Variants in CLEC4G observed in about 807,000 individuals in gnomAD.
The protein encoded by CLEC4G is C-type lectin superfamily 4, member G.
In CLEC4G, 34 loss-of-function variants were observed where a neutral mutation model predicts 37.0. The ratio of observed to expected loss-of-function variants is 0.92; its 90% CI spans 0.70 to 1.22. CLEC4G has a LOEUF of 1.22. CLEC4G is among the 50% of genes most tolerant of loss of function. CLEC4G has a pLI of 0.00. For synonymous variants in CLEC4G, 167 were observed against 165.6 expected (o/e 1.01, Z -0.06); for missense variants, 390 against 392.9 (o/e 0.99, Z 0.06).
At position 7,730,462 on chromosome 19, in the gene CLEC4G, G is replaced by A. The variant is rs2033412229; in HGVS notation, c.389-22C>T. 6.3e-7 allele frequency: 1 copy of A among 1,598,086 alleles called. No homozygotes were observed. Among genetic ancestry groups the A allele is most frequent in the South Asian group, 1.1e-5 (1 of 90,784 alleles). On this transcript the variant is annotated intron_variant, in intron 5 of 8. Transcript: ENST00000328853. This position sits in a 1 kb window ranked among gnomAD's most constrained non-coding sequence, Gnocchi z 7.3. The stretch of plus-strand genomic sequence containing the variant: ...GTCACTGCGGGGTCAAGGGAGCGGG[G>A]ATTATGGCTGGGGTCAGGGCCAGGA...
At position 7,731,011 on chromosome 19, in the gene CLEC4G, A is replaced by G. The variant is rs748360926; in HGVS notation, c.283+15T>C. Reference sequence around the variant, plus strand: ...CCCCATCCCTGCGCCCACAGCCTCGACCGCGCCCCCTCACAGCAGCTGTGG... The same window carrying G: ...CCCCATCCCTGCGCCCACAGCCTCGGCCGCGCCCCCTCACAGCAGCTGTGG... On this transcript the variant is annotated intron_variant, in intron 4 of 8. Coordinates refer to ENST00000328853, the MANE Select transcript of CLEC4G (RefSeq NM_198492.4). 1.8e-5 allele frequency: 28 copies of G among 1,589,698 alleles called. No homozygotes were observed. The highest frequency in any genetic ancestry group is 2.2e-5 in the Non-Finnish European group (26 of 1,174,420).
intron 2 of CLEC4G, 65 bp downstream of exon 2, chr19:7,731,596 T>G (rs757371213): frequency 6.8e-5 from 107 of 1,581,560 alleles, no homozygotes; most frequent in Non-Finnish European, 9.1e-5. Flanking sequence ...TGGTGCGCCA[T>G]GCAGTGGGGG....
chr19:7,729,427 T>C lies in CLEC4G; in HGVS notation c.821A>G (p.Asn274Ser), dbSNP rs764447524. The change falls in exon 9 of 9, where the codon AAC becomes AGC. Residue 274 changes from asparagine (N) to serine (S), a missense_variant. Physicochemically the swap from Asn to Ser is conservative, Grantham distance 46 (BLOSUM62 1). Coordinates refer to ENST00000328853, the MANE Select transcript of CLEC4G (RefSeq NM_198492.4). ...CTTCTCGCTGTCACACGGTGCGTCG[T>C]TCCACAGCCCCGTGTGCAGCATCAT... Reference protein sequence around the residue: ...CVMMLHTGLWNDAPCDSEKDG... With the variant: ...CVMMLHTGLWSDAPCDSEKDG... 1.2e-5 allele frequency: 19 copies of C among 1,602,884 alleles called. No homozygotes were observed. The highest frequency in any genetic ancestry group is 1.5e-5 in the Non-Finnish European group (18 of 1,169,934).
At chr19:7,731,980 T>C (rs545516133) in intron 1 of CLEC4G, 68 bp downstream of exon 1, 20 of 1,472,582 alleles carry the variant, frequency 1.4e-5, no homozygotes, top group Admixed American at 3.4e-5. Context: ...CTGTCTCGAC[T>C]CTTCCCTCCC....
At position 7,729,475 on chromosome 19, in the gene CLEC4G, G is replaced by A. The variant is rs1200260335; in HGVS notation, c.773C>T (p.Ala258Val). The A allele has an allele frequency of 6.2e-7, 1 of 1,605,550 alleles. No individual in the cohort carries two copies. Among genetic ancestry groups the A allele is most frequent in the African/African-American group, 1.3e-5 (1 of 74,736 alleles). ...CATGACACAGTTCTCGCGCCCCCAA[G>A]CGTCATTGGGCTCTCCCTGGTTCCA... is the stretch of plus-strand genomic sequence containing the variant. ...SHWNQGEPND[A>V]WGRENCVMML... The change falls in exon 9 of 9, where the codon GCT (alanine) becomes GTT (valine). Residue 258 changes from alanine to valine, a missense_variant. Coordinates refer to ENST00000328853, the MANE Select transcript of CLEC4G (RefSeq NM_198492.4).
intron 8 of CLEC4G, 135 bp downstream of exon 8, chr19:7,729,686 C>T (rs2033397033): frequency 2.1e-6 from 3 of 1,451,138 alleles, no homozygotes; most frequent in East Asian, 4.6e-5. Context: ...AACCTGAGGA[C>T]AGTTCCTGGG....
Position 7,730,060 on chromosome 19 carries a change from C to T in CLEC4G, c.586G>A (p.Ala196Thr). The T allele has an allele frequency of 3.7e-6, 6 of 1,605,248 alleles. No homozygotes were observed. Among genetic ancestry groups the T allele is most frequent in the Non-Finnish European group, 5.1e-6 (6 of 1,177,350 alleles). ...CCAACGATCACCAGGTGCGCGCTGGCATCTGCGCAGTGATCCTGCGCCGCC... is the reference window on the plus strand; with the variant it reads ...CCAACGATCACCAGGTGCGCGCTGGTATCTGCGCAGTGATCCTGCGCCGCC... ...WAAAQDHCAD[A>T]SAHLVIVGGL... The change falls in exon 7 of 9, where the codon GCC becomes ACC. Residue 196 changes from alanine (A) to threonine (T), a missense_variant. Physicochemically the swap from Ala to Thr is moderately conservative, Grantham distance 58. Transcript: ENST00000328853. This position sits in a 1 kb window ranked among gnomAD's most constrained non-coding sequence, Gnocchi z 7.3.
At position 7,731,759 on chromosome 19, in the gene CLEC4G, C is replaced by A. The variant is rs755312292; in HGVS notation, c.68G>T (p.Arg23Leu). 3.7e-6 allele frequency: 6 copies of A among 1,613,554 alleles called. No individual in the cohort carries two copies. The East Asian group carries it at 1.1e-4, about 30-fold the overall frequency. ...SEEVPGGPWG[R>L]WVHWSRRPLF... ...GGGTCTCCTGCTCCAGTGCACCCAGCGTCCCCAGGGCCCTGGCATAACAAG... is the reference window on the plus strand; with the variant it reads ...GGGTCTCCTGCTCCAGTGCACCCAGAGTCCCCAGGGCCCTGGCATAACAAG... The change falls in exon 2 of 9, where the codon CGC becomes CTC. Residue 23 changes from arginine (R) to leucine (L), a missense_variant. Coordinates refer to ENST00000328853, the MANE Select transcript of CLEC4G (RefSeq NM_198492.4).
chr19:7,729,678 C>T, intron 8 of CLEC4G, 143 bp downstream of exon 8: 1 of 1,430,450 alleles, frequency 7.0e-7, no homozygotes, highest in East Asian at 2.3e-5. Flanking sequence ...CAGAATTTAA[C>T]CTGAGGACAG....
intron 2 of CLEC4G, 100 bp from the exon 3 acceptor site, chr19:7,731,419 G>A: frequency 1.3e-6 from 2 of 1,506,798 alleles, no homozygotes; most frequent in African/African-American, 1.4e-5. Flanking sequence ...GGAGCGGGCG[G>A]GCAGGCATAC....
rs2146301518 is a variant in CLEC4G at position 7,731,682 on chromosome 19, G to A, written c.145C>T (p.Leu49=). The A allele has an allele frequency of 6.2e-7, 1 of 1,614,098 alleles. No homozygotes were observed. Residue 49 remains leucine (L), a synonymous_variant, in exon 2 of 9, where the codon CTG becomes TTG. Coordinates refer to ENST00000328853, the MANE Select transcript of CLEC4G (RefSeq NM_198492.4). The part of the protein sequence containing the change: ...LVTTVLWAVI[L]SILLSKASTE... ...TCACCCTTGGACAATAGGATACTCA[G>A]AATCACAGCCCAAAGGACTGTGGTG...
intron 1 of CLEC4G, 109 bp downstream of exon 1, chr19:7,731,939 G>A: frequency 1.4e-6 from 2 of 1,472,420 alleles, no homozygotes; most frequent in Non-Finnish European, 1.9e-6. Flanking sequence ...TCTATGGCCT[G>A]TGGTGTCTCT....
At chr19:7,729,649 T>C in intron 8 of CLEC4G, 145 bp from the exon 9 acceptor site, 1 of 1,234,598 alleles carries the variant, frequency 8.1e-7, no homozygotes, top group Non-Finnish European at 1.1e-6. Context: ...ATACACCTGG[T>C]ATATAACTTT....
Position 7,730,796 on chromosome 19 carries a change from A to C in CLEC4G, c.347T>G (p.Leu116Arg). 1 of 1,532,570 alleles carries C rather than the reference A, an allele frequency of 6.5e-7. No individual in the cohort carries two copies. Among genetic ancestry groups the C allele is most frequent in the Non-Finnish European group, 8.7e-7 (1 of 1,145,902 alleles). The allele number at this position is 1,532,570 out of a possible 1,614,324, so 94.9% of individuals were successfully genotyped here. A position where few individuals can be genotyped will look rare whatever the true frequency, so the allele number is the denominator to read the frequency against. Residue 116 changes from leucine to arginine, a missense_variant, in exon 5 of 9, where the codon CTG becomes CGG. Leu to Arg is a moderately radical substitution (Grantham distance 102, BLOSUM62 -2). Coordinates refer to ENST00000328853, the MANE Select transcript of CLEC4G (RefSeq NM_198492.4). The surrounding 1 kb of genome is among the most constrained non-coding windows in gnomAD (Gnocchi z 7.3). ...CCGCAGGGCGCTCTCCTGCTCCATC[A>C]GCTTCGCCTGCGCCTCCCCAAGCTC... Reference protein sequence around the residue: ...RAELGEAQAKLMEQESALREL... With the variant: ...RAELGEAQAKRMEQESALREL...
rs1175894695 is a variant in CLEC4G, at chr19:7,730,655, G to A, written c.388+100C>T. 10 of 1,468,278 alleles carry A rather than the reference G, an allele frequency of 6.8e-6. No individual in the cohort carries two copies. Among genetic ancestry groups the A allele is most frequent in the African/African-American group, 2.8e-5 (2 of 71,258 alleles). 91.0% of individuals were successfully genotyped at this position (1,468,278 alleles called of 1,614,324 possible). Reference sequence around the variant, plus strand: ...GGTCAGAGTGCAGCGTCAGGGTCAGGACGGGGTGCATGATCGGGGTCGGGG... The same window carrying A: ...GGTCAGAGTGCAGCGTCAGGGTCAGAACGGGGTGCATGATCGGGGTCGGGG... On this transcript the variant is annotated intron_variant, in intron 5 of 8. Transcript: ENST00000328853. The surrounding 1 kb of genome is among the most constrained non-coding windows in gnomAD (Gnocchi z 7.3).
chr19:7,730,868 C>T lies in CLEC4G; in HGVS notation c.284-9G>A, dbSNP rs763073462. ...CGCCTGCGTCCCCGAGCCTGGGAGC[C>T]GCAGGGTGAGAGGGGCGAGGGCGGC... is the stretch of plus-strand genomic sequence containing the variant. On this transcript the variant is annotated splice_polypyrimidine_tract_variant and intron_variant, in intron 4 of 8. Coordinates refer to ENST00000328853, the MANE Select transcript of CLEC4G (RefSeq NM_198492.4). This position sits in a 1 kb window ranked among gnomAD's most constrained non-coding sequence, Gnocchi z 7.3. 13 of 1,529,260 alleles carry T rather than the reference C, an allele frequency of 8.5e-6. No individual in the cohort carries two copies. The highest frequency in any genetic ancestry group is 2.0e-5 in the Admixed American group (1 of 50,696). 94.7% of individuals were successfully genotyped at this position (1,529,260 alleles called of 1,614,324 possible).
intron 3 of CLEC4G, 63 bp downstream of exon 3, chr19:7,731,203 C>A: frequency 6.4e-7 from 1 of 1,570,500 alleles, no homozygotes; most frequent in South Asian, 1.1e-5. Flanking sequence ...ACTCCATCTC[C>A]GGGGTCTCAG....
Position 7,731,736 on chromosome 19 carries a change from G to A in CLEC4G, c.91C>T (p.Pro31Ser). ...AGGACAGCCAGGGCCAAGAAGAGGG[G>A]TCTCCTGCTCCAGTGCACCCAGCGT... ...WGRWVHWSRR[P>S]LFLALAVLVT... Residue 31 changes from proline (P) to serine (S), a missense_variant, in exon 2 of 9, where the codon CCC (proline) becomes TCC (serine). By Grantham distance (74) the Pro-to-Ser change is moderately conservative. Transcript: ENST00000328853. The A allele has an allele frequency of 6.2e-7, 1 of 1,614,066 alleles. No homozygotes were observed. The highest frequency in any genetic ancestry group is 1.3e-5 in the African/African-American group (1 of 75,036).
At chr19:7,729,648 G>GT (rs1568499765) in intron 8 of CLEC4G, 144 bp from the exon 9 acceptor site, 3 of 1,237,966 alleles carry the variant, frequency 2.4e-6, no homozygotes, top group Non-Finnish European at 3.3e-6. Context: ...TATACACCTG[G>GT]TATATAACTT....
Sources: allele counts gnomAD v4.1 joint callset, GRCh38; gene constraint gnomAD v4.1.1; non-coding constraint Gnocchi (gnomAD v3.1); transcripts MANE v1.5; gene names NCBI Gene and HGNC (gene_info 2026-07-23, HGNC 2026-07-21).